NGEF: variants seen among roughly 807,000 people sequenced by gnomAD.
The protein encoded by NGEF is neuronal guanine nucleotide exchange factor.
Under a neutral mutation model 80.9 loss-of-function variants are expected in NGEF, and 31 were observed. The observed-to-expected ratio is 0.38, with a 90% CI of 0.29 to 0.52. The LOEUF is 0.52. Among genes scored for constraint, NGEF ranks in the 20% least tolerant of loss-of-function variants. NGEF has a pLI of 0.84. For synonymous variants in NGEF, 371 were observed against 370.2 expected (o/e 1.00, Z -0.03); for missense variants, 709 against 926.2 (o/e 0.77, Z 3.04).
chr2:232,911,849 T>G (rs1692696681), intron 5 of NGEF, among the ~76,000 whole-genome samples: 2 of 152,226 alleles, frequency 1.3e-5, no homozygotes, highest in East Asian at 3.8e-4. Flanking sequence ...GTGTTGGCCT[T>G]GTATCTGGCA....
At chr2:232,953,263 C>T (rs1287040456) in intron 3 of NGEF, among the ~76,000 whole-genome samples, 1 of 126,426 alleles carries the variant, frequency 7.9e-6, no homozygotes, top group Non-Finnish European at 1.6e-5. Context: ...GATCACACAA[C>T]TGCACTTCAG....
chr2:233,012,075 AAGAGAG>A (rs145842578), intron 1 of NGEF, among the ~76,000 whole-genome samples: 8 of 150,934 alleles, frequency 5.3e-5, no homozygotes, highest in South Asian at 4.2e-4. Flanking sequence ...TAAATGGAAA[AAGAGAG>A]AGAGAGAGAG....
rs200665603 is a variant in NGEF, at chr2:232,879,419, A to AG, written c.*69dup. 21 of 1,186,156 alleles carry AG rather than the reference A, an allele frequency of 1.8e-5. No homozygotes were observed. The highest frequency in any genetic ancestry group is 1.6e-4 in the Admixed American group (7 of 42,550). 73.5% of individuals were successfully genotyped at this position (1,186,156 alleles called of 1,614,324 possible). A position where few individuals can be genotyped will look rare whatever the true frequency, so the allele number is the denominator to read the frequency against. ...GGAGGTGCTGGCCTGTGCTTCCCAG[A>AG]GCCCCCCCCCCCCCACCTTCTGTCG... On this transcript the variant is annotated 3_prime_UTR_variant, in exon 15 of 15. Coordinates refer to ENST00000264051, the MANE Select transcript of NGEF (RefSeq NM_019850.3).
At chr2:232,925,584 G>A (rs1025566374) in intron 4 of NGEF, among the ~76,000 whole-genome samples, 16 of 152,110 alleles carry the variant, frequency 1.1e-4, no homozygotes, top group Admixed American at 7.2e-4. Context: ...AGGTTCAGCC[G>A]TCTCCAAGAA....
intron 5 of NGEF, chr2:232,905,505 G>T (rs1259222570): frequency 1.4e-5 from 4 of 283,834 alleles, no homozygotes; most frequent in Non-Finnish European, 2.8e-5. Flanking sequence ...GGAGATTGCA[G>T]CCTCTGCCGG....
chr2:232,899,921 T>C (rs1559199182), intron 5 of NGEF, among the ~76,000 whole-genome samples: 23 of 140,138 alleles, frequency 1.6e-4, no homozygotes, highest in East Asian at 1.3e-3. Context: ...GTCACTCATA[T>C]ACACGTTCAC....
chr2:232,923,196 G>A (rs186617909), intron 4 of NGEF, among the ~76,000 whole-genome samples: 27 of 152,248 alleles, frequency 1.8e-4, no homozygotes, highest in African/African-American at 5.5e-4. Context: ...GCTATAGTCG[G>A]CAAATCATGG....
intron 13 of NGEF, 54 bp downstream of exon 13, chr2:232,882,132 C>G: frequency 1.3e-6 from 2 of 1,535,554 alleles, no homozygotes; most frequent in Non-Finnish European, 1.8e-6. Context: ...CCTGCGGCAT[C>G]CGGCAGGGCC....
chr2:232,908,918 G>A (rs1408819953), intron 5 of NGEF, among the ~76,000 whole-genome samples: 1 of 151,940 alleles, frequency 6.6e-6, no homozygotes, highest in Non-Finnish European at 1.5e-5. Context: ...ACTAATTTTT[G>A]CATGTTTATC....
chr2:232,890,206 A>C (rs1366641394), intron 8 of NGEF, among the ~76,000 whole-genome samples: 1 of 90,952 alleles, frequency 1.1e-5, no homozygotes, highest in Non-Finnish European at 2.8e-5. Flanking sequence ...GTCCTGCCTC[A>C]CTGGGCCTGT....
chr2:232,951,783 G>A (rs1425358250), intron 3 of NGEF, among the ~76,000 whole-genome samples: 3 of 152,144 alleles, frequency 2.0e-5, no homozygotes, highest in Non-Finnish European at 4.4e-5. Flanking sequence ...AGCAAAACCA[G>A]TAATTTCTCC....
At position 232,892,139 on chromosome 2, in the gene NGEF, CA is replaced by C. The variant is rs1691903911; in HGVS notation, c.1143-653del. 6.6e-6 allele frequency among the ~76,000 whole-genome samples: 1 copy of C among 152,204 alleles called. No homozygotes were observed. The highest frequency in any genetic ancestry group is 2.4e-5 in the African/African-American group (1 of 41,456). On this transcript the variant is annotated intron_variant, in intron 7 of 14. Coordinates refer to ENST00000264051, the MANE Select transcript of NGEF (RefSeq NM_019850.3). This position sits in a 1 kb window ranked among gnomAD's most constrained non-coding sequence, Gnocchi z 4.0. ...TGCTTGCCTTCTCAATGTTTATCCT[CA>C]AAAATTGCATCCTCATTCCCTCCAA...
chr2:233,009,769 A>G (rs1574669596), intron 1 of NGEF, among the ~76,000 whole-genome samples: 1 of 152,194 alleles, frequency 6.6e-6, no homozygotes, highest in Admixed American at 6.5e-5. Context: ...TGCAGGGTGC[A>G]GAAGTGAGGG....
At chr2:232,968,668 A>G (rs1694118281) in intron 3 of NGEF, among the ~76,000 whole-genome samples, 1 of 151,506 alleles carries the variant, frequency 6.6e-6, no homozygotes, top group Non-Finnish European at 1.5e-5. Flanking sequence ...AGTCTTCCAA[A>G]GTGCTGGATT....
rs1446857698 is a variant in NGEF, at chr2:232,879,183, G to T, written c.*306C>A. Reference sequence around the variant, plus strand: ...CCAGTCCCTGGGGGCCAGGGGCATGGGGGGCCCTGGAGTGTGCCCACCCCC... The same window carrying T: ...CCAGTCCCTGGGGGCCAGGGGCATGTGGGGCCCTGGAGTGTGCCCACCCCC... On this transcript the variant is annotated 3_prime_UTR_variant, in exon 15 of 15. Transcript: ENST00000264051. 7.5e-6 allele frequency: 2 copies of T among 265,750 alleles called. No homozygotes were observed. The highest frequency in any genetic ancestry group is 7.1e-6 in the Non-Finnish European group (1 of 140,192). The allele number at this position is 265,750 out of a possible 1,614,324, so 16.5% of individuals were successfully genotyped here. A position where few individuals can be genotyped will look rare whatever the true frequency, so the allele number is the denominator to read the frequency against.
At position 232,920,443 on chromosome 2, in the gene NGEF, C is replaced by A. The variant is rs754810990; in HGVS notation, c.669G>T (p.Glu223Asp). Residue 223 changes from glutamate to aspartate, a missense_variant, in exon 5 of 15, where the codon GAG becomes GAT. Glu to Asp is a conservative substitution (Grantham distance 45). Transcript: ENST00000264051. ...DTPEEEEEEE[E>D]EEEPASPPER... Reference sequence around the variant, plus strand: ...CTGGTGGGCTGGCCGGCTCCTCCTCCTCCTCCTCTTCTTCTTCCTCCTCCG... The same window carrying A: ...CTGGTGGGCTGGCCGGCTCCTCCTCATCCTCCTCTTCTTCTTCCTCCTCCG... The A allele has an allele frequency of 1.2e-6, 2 of 1,613,936 alleles. No homozygotes were observed. Among genetic ancestry groups the A allele is most frequent in the South Asian group, 2.2e-5 (2 of 91,030 alleles).
In NGEF at chr2:232,885,116, G is replaced by C. The variant is rs1281020669; in HGVS notation, c.1437+164C>G. 42 of 621,776 alleles carry C rather than the reference G, an allele frequency of 6.8e-5. No individual in the cohort carries two copies. In the East Asian group the frequency reaches 1.1e-3, roughly 17 times the overall value. The allele number at this position is 621,776 out of a possible 1,614,324, so 38.5% of individuals were successfully genotyped here. ...GGTGGTGTCTGACGCCTGGTGGCAGGCGGGGTGGCTTCAGCTGGGGAGGTC... is the reference window on the plus strand; with the variant it reads ...GGTGGTGTCTGACGCCTGGTGGCAGCCGGGGTGGCTTCAGCTGGGGAGGTC... On this transcript the variant is annotated intron_variant, in intron 10 of 14. Coordinates refer to ENST00000264051, the MANE Select transcript of NGEF (RefSeq NM_019850.3).
chr2:232,883,649 C>T (rs1367541124), intron 11 of NGEF, among the ~76,000 whole-genome samples, 183 bp from the exon 12 acceptor site: 6 of 152,130 alleles, frequency 3.9e-5, no homozygotes, highest in Non-Finnish European at 7.4e-5. Context: ...ATCCCAGGTG[C>T]GGACAGTGAA....
At chr2:232,993,022 CACAT>C (rs1209108540) in intron 1 of NGEF, among the ~76,000 whole-genome samples, 79 of 142,200 alleles carry the variant, frequency 5.6e-4, no homozygotes, top group Non-Finnish European at 1.1e-3. Flanking sequence ...CACACACACG[CACAT>C]AAATATATAA....
Sources: allele counts gnomAD v4.1 joint callset (sites outside exome capture counted in the v4.1 genomes callset), GRCh38; gene constraint gnomAD v4.1.1; non-coding constraint Gnocchi (gnomAD v3.1); transcripts MANE v1.5; gene names NCBI Gene and HGNC (gene_info 2026-07-23, HGNC 2026-07-21).